The following DLG2 variants were observed in gnomAD, a reference collection of about 807,000 sequenced individuals.
DLG2 encodes the protein discs large MAGUK scaffold protein 2.
A neutral mutation model predicts 132.5 loss-of-function variants in DLG2; 45 were observed. The ratio of observed to expected loss-of-function variants is 0.34; its 90% CI spans 0.27 to 0.44. DLG2 has a LOEUF of 0.44. Ranked by LOEUF, DLG2 falls within the 20% of genes least tolerant of loss-of-function variation. DLG2 has a pLI of 1.00. For synonymous variants in DLG2, 424 were observed against 419.6 expected, an observed-to-expected ratio of 1.01 and a Z score of -0.13; for missense variants, 1,045 against 1,196.9, an observed-to-expected ratio of 0.87 and a Z score of 1.87.
rs186883851 is a variant in DLG2 at position 84,775,385 on chromosome 11, A to G, written c.358-240654T>C. 3.0e-3 allele frequency among the ~76,000 whole-genome samples: 455 copies of G among 152,326 alleles called. 3 individuals are homozygous for G. Among genetic ancestry groups the G allele is most frequent in the Non-Finnish European group, 4.3e-3 (291 of 68,028 alleles). On this transcript the variant is annotated intron_variant, in intron 6 of 27. Coordinates refer to ENST00000376104, the MANE Select transcript of DLG2 (RefSeq NM_001142699.3). ...GTTAGGAGATGTCTGAAAGAACTTA[A>G]TACAGAACTACTATTCAACCCAGCA...
intron 6 of DLG2, among the ~76,000 whole-genome samples, chr11:85,035,138 TCAGA>T (rs753540840): frequency 3.3e-5 from 5 of 152,198 alleles, no homozygotes; most frequent in Admixed American, 2.0e-4. Flanking sequence ...TGGCCAGCAG[TCAGA>T]CAATCTTTTG....
At chr11:83,728,153 G>T (rs914401093) in intron 18 of DLG2, among the ~76,000 whole-genome samples, 1 of 152,050 alleles carries the variant, frequency 6.6e-6, no homozygotes, top group Non-Finnish European at 1.5e-5. Context: ...CTCCAAACTT[G>T]CTCCTTCCCT....
In DLG2 at chr11:83,933,182, AG is replaced by A. The variant is rs571679071; in HGVS notation, c.1341-2700del. 5.8e-3 allele frequency among the ~76,000 whole-genome samples: 888 copies of A among 152,312 alleles called. 2 individuals are homozygous for A. The highest frequency in any genetic ancestry group is 7.5e-3 in the Non-Finnish European group (507 of 68,016). ...CAGATGCCACTATCACTTCCCATTT[AG>A]TTGGTAAGGAAGTGCCAAGGGGAAA... On this transcript the variant is annotated intron_variant, in intron 14 of 27. Transcript: ENST00000376104.
intron 9 of DLG2, among the ~76,000 whole-genome samples, chr11:84,121,595 T>A: frequency 8.3e-6 from 1 of 120,892 alleles, no homozygotes; most frequent in African/African-American, 3.1e-5. Context: ...GGAGTCTCGC[T>A]CTGTGGCCCA....
chr11:84,694,385 C>T (rs1165646927), intron 6 of DLG2, among the ~76,000 whole-genome samples: 4 of 151,632 alleles, frequency 2.6e-5, no homozygotes, highest in Admixed American at 6.6e-5. Flanking sequence ...AGCTTTGCAA[C>T]TAATATTTGT....
intron 16 of DLG2, among the ~76,000 whole-genome samples, chr11:83,873,124 T>G (rs979819859): frequency 6.6e-6 from 1 of 152,240 alleles, no homozygotes; most frequent in Admixed American, 6.5e-5. Context: ...TACCACATTA[T>G]AGAGGACAGA....
chr11:84,987,287 C>A (rs535130518), intron 6 of DLG2, among the ~76,000 whole-genome samples: 5 of 152,196 alleles, frequency 3.3e-5, no homozygotes, highest in African/African-American at 1.2e-4. Flanking sequence ...GGAAACACAT[C>A]CCATGCTCAT....
chr11:84,793,649 T>C (rs575563581), intron 6 of DLG2, among the ~76,000 whole-genome samples: 4 of 152,368 alleles, frequency 2.6e-5, no homozygotes, highest in Admixed American at 2.0e-4. Context: ...TTTATCATTA[T>C]ATAATTACCT....
chr11:83,634,861 A>G (rs1222728587), intron 18 of DLG2, among the ~76,000 whole-genome samples: 1 of 152,208 alleles, frequency 6.6e-6, no homozygotes, highest in African/African-American at 2.4e-5. Flanking sequence ...AAGCCATAAT[A>G]GTTGGCTGGA....
intron 19 of DLG2, among the ~76,000 whole-genome samples, chr11:83,543,417 A>G (rs900935832): frequency 3.3e-5 from 5 of 152,178 alleles, no homozygotes; most frequent in Non-Finnish European, 5.9e-5. Context: ...CCTTAATGAA[A>G]TAACACATAT....
intron 18 of DLG2, among the ~76,000 whole-genome samples, chr11:83,680,984 A>C (rs2078685897): frequency 6.6e-6 from 1 of 152,196 alleles, no homozygotes; most frequent in African/African-American, 2.4e-5. Context: ...ATGTAAAGAG[A>C]AATTACAATA....
At chr11:83,533,979 A>C (rs1250734296) in intron 20 of DLG2, among the ~76,000 whole-genome samples, 1 of 152,164 alleles carries the variant, frequency 6.6e-6, no homozygotes, top group Non-Finnish European at 1.5e-5. Flanking sequence ...CCAGGTGAGA[A>C]ATAATGAGAA....
intron 4 of DLG2, among the ~76,000 whole-genome samples, chr11:85,216,002 A>T (rs182674370): frequency 1.2e-5 from 1 of 81,990 alleles, no homozygotes; most frequent in Non-Finnish European, 2.3e-5. Context: ...ATATAAAAAT[A>T]ATTTGGAAGT....
intron 11 of DLG2, among the ~76,000 whole-genome samples, chr11:84,038,438 A>T (rs2095938756): frequency 6.6e-6 from 1 of 152,136 alleles, no homozygotes; most frequent in Non-Finnish European, 1.5e-5. Flanking sequence ...AATCAAAACC[A>T]CAATTAGATA....
At chr11:85,429,864 A>G (rs1484397558) in intron 3 of DLG2, among the ~76,000 whole-genome samples, 3 of 152,206 alleles carry the variant, frequency 2.0e-5, no homozygotes, top group Non-Finnish European at 4.4e-5. Flanking sequence ...CTGGGTATAT[A>G]CCCAAAGGAT....
At chr11:85,037,530 G>T (rs544482808) in intron 6 of DLG2, among the ~76,000 whole-genome samples, 1 of 152,252 alleles carries the variant, frequency 6.6e-6, no homozygotes, top group African/African-American at 2.4e-5. Context: ...AGAGTATAAT[G>T]ACAGCAAAGA....
chr11:83,839,910 C>T (rs1481178598), intron 16 of DLG2, among the ~76,000 whole-genome samples: 2 of 152,150 alleles, frequency 1.3e-5, no homozygotes, highest in Non-Finnish European at 2.9e-5. Context: ...CAGGTTTTGA[C>T]TTTTAGGATA....
chr11:85,460,391 C>G (rs1192764061), intron 3 of DLG2, among the ~76,000 whole-genome samples: 3 of 152,162 alleles, frequency 2.0e-5, no homozygotes, highest in Non-Finnish European at 2.9e-5. Context: ...CACCTGAGCC[C>G]AGGGTTGCAA....
In DLG2 at chr11:83,835,187, T is replaced by C. The variant is rs371519252; in HGVS notation, c.1566-1417A>G. On this transcript the variant is annotated intron_variant, in intron 16 of 27. Transcript: ENST00000376104. ...ACAAATACTTTGTAAACACCTACTG[T>C]GCCAGGAAGGTGTTTCAGGTGCTCA... 2.3e-4 allele frequency among the ~76,000 whole-genome samples: 35 copies of C among 152,312 alleles called. 1 individual carries two copies. Among genetic ancestry groups the C allele is most frequent in the African/African-American group, 7.5e-4 (31 of 41,576 alleles).
Sources: allele counts gnomAD v4.1 joint callset (sites outside exome capture counted in the v4.1 genomes callset), GRCh38; gene constraint gnomAD v4.1.1; transcripts MANE v1.5; gene names NCBI Gene and HGNC (gene_info 2026-07-23, HGNC 2026-07-21).